DOCK6: variants seen among roughly 807,000 people sequenced by gnomAD.
The protein encoded by DOCK6 is dedicator of cytokinesis protein 6.
A neutral mutation model predicts 230.3 loss-of-function variants in DOCK6; 167 were observed. The ratio of observed to expected loss-of-function variants is 0.73; its 90% CI spans 0.64 to 0.82. The LOEUF is 0.82. Ranked by LOEUF, DOCK6 falls within the 40% of genes least tolerant of loss-of-function variation. The pLI is 0.00. For synonymous variants in DOCK6, 1,148 were observed against 1,185.0 expected (o/e 0.97, Z 0.64); for missense variants, 2,598 against 2,825.8 (o/e 0.92, Z 1.83).
chr19:11,247,810 T>G, intron 7 of DOCK6: 1 of 411,316 alleles, frequency 2.4e-6, no homozygotes. Context: ...CTTCATGAGG[T>G]TGTGGTGAAT....
rs1462454388 is a variant in DOCK6 at position 11,202,464 on chromosome 19, A to G, written c.5381T>C (p.Phe1794Ser). The change falls in exon 43 of 48, where the codon TTT (phenylalanine) becomes TCT (serine). Residue 1794 changes from phenylalanine to serine, a missense_variant. Transcript: ENST00000294618. The surrounding 1 kb of genome is among the most constrained non-coding windows in gnomAD (Gnocchi z 5.3). Reference protein sequence around the residue: ...HRLEEFYTERFGDDVVEIIKD... With the variant: ...HRLEEFYTERSGDDVVEIIKD... ...GATAATCTCAACGACGTCGTCGCCA[A>G]ATCTCTCCGTGTAGAACTCCTGGAG... The G allele has an allele frequency of 6.2e-7, 1 of 1,613,418 alleles. No individual in the cohort carries two copies. The highest frequency in any genetic ancestry group is 8.5e-7 in the Non-Finnish European group (1 of 1,179,588).
intron 18 of DOCK6, chr19:11,237,117 G>T: frequency 1.7e-6 from 1 of 592,732 alleles, no homozygotes. Context: ...AATATTCATT[G>T]AGTAGGTCAG....
chr19:11,202,258 G>T lies in DOCK6; in HGVS notation c.5452-133C>A. On this transcript the variant is annotated intron_variant, in intron 43 of 47. Coordinates refer to ENST00000294618, the MANE Select transcript of DOCK6 (RefSeq NM_020812.4). The surrounding 1 kb of genome is among the most constrained non-coding windows in gnomAD (Gnocchi z 5.3). ...ATGTCTGGATGTTTGGGAATCCCCT[G>T]AGGAATAGGTTTTGGGGTCCCTCAG... 7.2e-7 allele frequency: 1 copy of T among 1,383,024 alleles called. No individual in the cohort carries two copies. Among genetic ancestry groups the T allele is most frequent in the Non-Finnish European group, 1.0e-6 (1 of 1,001,598 alleles). 85.7% of individuals were successfully genotyped at this position (1,383,024 alleles called of 1,614,324 possible). A position where few individuals can be genotyped will look rare whatever the true frequency, so the allele number is the denominator to read the frequency against.
rs2079587581 is a variant in DOCK6 at position 11,222,001 on chromosome 19, T to C, written c.3400A>G (p.Lys1134Glu). Reference sequence around the variant, plus strand: ...AGGCTGTGCACAGCACTGATGGCCTTCTTGTGCAACAGGAATGCCCTATGG... The same window carrying C: ...AGGCTGTGCACAGCACTGATGGCCTCCTTGTGCAACAGGAATGCCCTATGG... ...EAEGAFLLHK[K>E]AISAVHSLLC... The change falls in exon 28 of 48, where the codon AAG (lysine) becomes GAG (glutamate). Residue 1134 changes from lysine to glutamate, a missense_variant. Lys to Glu is a moderately conservative substitution (Grantham distance 56, BLOSUM62 1). Transcript: ENST00000294618. This position sits in a 1 kb window ranked among gnomAD's most constrained non-coding sequence, Gnocchi z 4.0. 1 of 1,611,420 alleles carries C rather than the reference T, an allele frequency of 6.2e-7. No individual in the cohort carries two copies. Among genetic ancestry groups the C allele is most frequent in the Non-Finnish European group, 8.5e-7 (1 of 1,177,880 alleles).
chr19:11,205,211 T>C (rs547448636), intron 39 of DOCK6, among the ~76,000 whole-genome samples: 4 of 152,214 alleles, frequency 2.6e-5, no homozygotes, highest in Non-Finnish European at 4.4e-5. Context: ...ATGGTTTTTT[T>C]TCGTAATCTT....
rs771993485 is a variant in DOCK6 at position 11,202,661 on chromosome 19, C to T, written c.5284G>A (p.Gly1762Ser). 13 of 1,613,880 alleles carry T rather than the reference C, an allele frequency of 8.1e-6. No homozygotes were observed. The highest frequency in any genetic ancestry group is 1.0e-5 in the Non-Finnish European group (12 of 1,179,908). The part of the protein sequence containing the change: ...FRVGFYGAHF[G>S]DLDEQEFVYK... ...ACAAACTCCTGCTCATCCAGGTCACCGAAGTGGGCGCCGTAGAAGCCCACG... is the reference window on the plus strand; with the variant it reads ...ACAAACTCCTGCTCATCCAGGTCACTGAAGTGGGCGCCGTAGAAGCCCACG... The change falls in exon 42 of 48, where the codon GGT becomes AGT. Residue 1762 changes from glycine (G) to serine (S), a missense_variant. Physicochemically the swap from Gly to Ser is moderately conservative, Grantham distance 56 (BLOSUM62 0). Transcript: ENST00000294618. This position sits in a 1 kb window ranked among gnomAD's most constrained non-coding sequence, Gnocchi z 5.3.
chr19:11,243,802 C>CTTGG lies in DOCK6; in HGVS notation c.1100_1103dup (p.Lys368AsnfsTer50). On this transcript the variant is annotated frameshift_variant and splice_region_variant, in exon 10 of 48. Coordinates refer to ENST00000294618, the MANE Select transcript of DOCK6 (RefSeq NM_020812.4). LOFTEE classifies it high-confidence loss of function. The surrounding 1 kb of genome is among the most constrained non-coding windows in gnomAD (Gnocchi z 6.3). Reference sequence around the variant, plus strand: ...CCTAGTCCAGCCTCCACACGCTTACCTTGGCTGTGTCCACTTCTTTCAACA... The same window carrying CTTGG: ...CCTAGTCCAGCCTCCACACGCTTACCTTGGTTGGCTGTGTCCACTTCTTTCAACA... The CTTGG allele has an allele frequency of 6.2e-7, 1 of 1,613,274 alleles. No individual in the cohort carries two copies. Among genetic ancestry groups the CTTGG allele is most frequent in the South Asian group, 1.1e-5 (1 of 90,826 alleles).
At chr19:11,244,206 G>A (rs1237862798) in intron 9 of DOCK6, among the ~76,000 whole-genome samples, 1 of 151,672 alleles carries the variant, frequency 6.6e-6, no homozygotes, top group Non-Finnish European at 1.5e-5. Context: ...CAGGGGTCTC[G>A]CTATGTTGCC....
chr19:11,233,818 C>T lies in DOCK6; in HGVS notation c.2555-452G>A, dbSNP rs571363758. On this transcript the variant is annotated intron_variant, in intron 21 of 47. Coordinates refer to ENST00000294618, the MANE Select transcript of DOCK6 (RefSeq NM_020812.4). The stretch of plus-strand genomic sequence containing the variant: ...TCGTGACACTGCACTCTAGCCTGGC[C>T]GACAGAATAAGATCCTGACTTTTTT... 6.0e-5 allele frequency among the ~76,000 whole-genome samples: 9 copies of T among 151,198 alleles called. No individual in the cohort carries two copies. The East Asian group carries it at 1.4e-3, about 23-fold the overall frequency.
At chr19:11,205,414 C>T (rs2079242112) in intron 39 of DOCK6, among the ~76,000 whole-genome samples, 1 of 151,908 alleles carries the variant, frequency 6.6e-6, no homozygotes, top group Non-Finnish European at 1.5e-5. Context: ...ATGATCTCGG[C>T]TCACTGCAAC....
chr19:11,233,415 C>G (rs1011092404), intron 21 of DOCK6, 49 bp from the exon 22 acceptor site: 13 of 1,578,534 alleles, frequency 8.2e-6, no homozygotes, highest in Non-Finnish European at 1.0e-5. Context: ...TGATGTGATG[C>G]CTCCCAGTCC....
intron 9 of DOCK6, 100 bp downstream of exon 9, chr19:11,245,463 A>G: frequency 7.8e-7 from 1 of 1,287,754 alleles, no homozygotes; most frequent in Non-Finnish European, 1.1e-6. Flanking sequence ...AACAGCCCTG[A>G]TTACCCTTCT....
At chr19:11,206,601 C>T (rs1298134354) in intron 39 of DOCK6, among the ~76,000 whole-genome samples, 2 of 151,644 alleles carry the variant, frequency 1.3e-5, no homozygotes, top group Non-Finnish European at 2.9e-5. Flanking sequence ...ACTTAGGATA[C>T]AGATCAGCGA....
rs771141801 is a variant in DOCK6 at position 11,202,531 on chromosome 19, CCAGCCCCAAGG to C, written c.5361+42_5362-49del. On this transcript the variant is annotated intron_variant, in intron 42 of 47. Coordinates refer to ENST00000294618, the MANE Select transcript of DOCK6 (RefSeq NM_020812.4). The surrounding 1 kb of genome is among the most constrained non-coding windows in gnomAD (Gnocchi z 5.3). The stretch of plus-strand genomic sequence containing the variant: ...GGGCCACCCAGGGACAGCCCCTACT[CCAGCCCCAAGG>C]CAGCCCCATGCCCCGTTCCACCCCC... The C allele has an allele frequency of 6.2e-7, 1 of 1,613,738 alleles. No homozygotes were observed.
intron 34 of DOCK6, among the ~76,000 whole-genome samples, chr19:11,214,021 G>C (rs1380180692): frequency 1.3e-5 from 2 of 151,624 alleles, no homozygotes; most frequent in Non-Finnish European, 2.9e-5. Flanking sequence ...AGGCTCACAT[G>C]ATCTTCCTGC....
chr19:11,227,903 A>G lies in DOCK6; in HGVS notation c.2815-426T>C, dbSNP rs115118816. On this transcript the variant is annotated intron_variant, in intron 23 of 47. Transcript: ENST00000294618. ...AGGCACTGGATTTGAAGGGAGCTTT[A>G]TTGGAGGCCCAGAGGGGATGCAGCC... Among the ~76,000 whole-genome samples the G allele has an allele frequency of 7.8e-3, 1,190 of 151,676 alleles. 53 individuals carry two copies. In the East Asian group the frequency reaches 0.14, roughly 18 times the overall value.
chr19:11,246,926 A>C (rs1422815021), intron 7 of DOCK6, among the ~76,000 whole-genome samples: 1 of 151,702 alleles, frequency 6.6e-6, no homozygotes, highest in African/African-American at 2.4e-5. Flanking sequence ...CCTCTTCCTC[A>C]CTGGGTCTCC....
intron 23 of DOCK6, among the ~76,000 whole-genome samples, chr19:11,228,500 G>T (rs553898557): frequency 6.6e-6 from 1 of 151,836 alleles, no homozygotes; most frequent in Admixed American, 6.6e-5. Flanking sequence ...TAGGTTGTGG[G>T]GGGGGGTCTC....
At chr19:11,212,636 C>T (rs903508650) in intron 35 of DOCK6, among the ~76,000 whole-genome samples, 1 of 147,544 alleles carries the variant, frequency 6.8e-6, no homozygotes, top group Non-Finnish European at 1.5e-5. Flanking sequence ...AATCTTGGCT[C>T]ACTGCAACCT....
Sources: allele counts gnomAD v4.1 joint callset (sites outside exome capture counted in the v4.1 genomes callset), GRCh38; gene constraint gnomAD v4.1.1; non-coding constraint Gnocchi (gnomAD v3.1); transcripts MANE v1.5; gene names NCBI Gene and HGNC (gene_info 2026-07-23, HGNC 2026-07-21).